Variants in CLDN19 observed in about 807,000 individuals in gnomAD.
The protein encoded by CLDN19 is claudin-19.
Under a neutral mutation model 24.5 loss-of-function variants are expected in CLDN19, and 19 were observed. The observed-to-expected ratio is 0.78, with a 90% CI of 0.54 to 1.14. CLDN19 has a LOEUF of 1.14. Among genes scored for constraint, CLDN19 ranks in the 50% most tolerant of loss-of-function variants. CLDN19 has a pLI of 0.00. For synonymous variants in CLDN19, 117 were observed against 129.6 expected (o/e 0.90, Z 0.66); for missense variants, 250 against 295.9 (o/e 0.84, Z 1.14).
intron 3 of CLDN19, among the ~76,000 whole-genome samples, chr1:42,736,470 G>T (rs1337620884): frequency 3.3e-5 from 5 of 152,000 alleles, no homozygotes. Flanking sequence ...CTTCCACCTG[G>T]CACTCTGGGC....
chr1:42,735,823 G>C, intron 4 of CLDN19, 55 bp downstream of exon 4: 5 of 1,553,434 alleles, frequency 3.2e-6, no homozygotes, highest in Non-Finnish European at 4.4e-6. Context: ...CTGGATGCTG[G>C]GCAAGGGGGC....
Position 42,738,416 on chromosome 1 carries a change from C to T in CLDN19, c.388+5G>A, listed in dbSNP as rs1651440989. 6.2e-7 allele frequency: 1 copy of T among 1,613,780 alleles called. No homozygotes were observed. The highest frequency in any genetic ancestry group is 8.5e-7 in the Non-Finnish European group (1 of 1,180,050). On this transcript the variant is annotated splice_donor_5th_base_variant and intron_variant, in intron 2 of 4. Coordinates refer to ENST00000296387, the MANE Select transcript of CLDN19 (RefSeq NM_148960.3). ...TGTGATTGTGCAGGAGTGAGGGGCA[C>T]TCACCTGCCAGGATGAAGAGGGCTC...
At chr1:42,736,949 A>G (rs574128011) in intron 3 of CLDN19, among the ~76,000 whole-genome samples, 14 of 152,140 alleles carry the variant, frequency 9.2e-5, no homozygotes, top group African/African-American at 3.4e-4. Context: ...TGTACCTGAG[A>G]TCTCCTCCCT....
At chr1:42,738,625 A>G (rs778676948) in intron 1 of CLDN19, 40 bp from the exon 2 acceptor site, 12 of 1,593,638 alleles carry the variant, frequency 7.5e-6, no homozygotes, top group Admixed American at 3.4e-5. Flanking sequence ...GCTGGCGGGG[A>G]TGGGGGTTGG....
chr1:42,738,349 T>C (rs376527503), intron 2 of CLDN19, 36 bp from the exon 3 acceptor site: 1 of 1,613,046 alleles, frequency 6.2e-7, no homozygotes, highest in Non-Finnish European at 8.5e-7. Flanking sequence ...AGCTCTGCTC[T>C]GGCCCCCCGA....
intron 3 of CLDN19, among the ~76,000 whole-genome samples, chr1:42,736,778 C>T (rs1259027299): frequency 6.6e-6 from 1 of 152,260 alleles, no homozygotes; most frequent in African/African-American, 2.4e-5. Flanking sequence ...TGAGGGCAGA[C>T]AGAGCCATCA....
Position 42,739,916 on chromosome 1 carries a change from G to C in CLDN19, c.148C>G (p.Leu50Val), listed in dbSNP as rs762859529. 1 of 1,612,380 alleles carries C rather than the reference G, an allele frequency of 6.2e-7. No homozygotes were observed. The highest frequency in any genetic ancestry group is 1.3e-5 in the African/African-American group (1 of 74,910). The change falls in exon 1 of 5, where the codon CTC becomes GTC. Residue 50 changes from leucine to valine, a missense_variant. Physicochemically the swap from Leu to Val is conservative, Grantham distance 32. Transcript: ENST00000296387. ...CTCTGGGAGGCGCAGGACATCCAGA[G>C]CCCTTCATAGAGGCCCACGGCAGTG... ...IITAVGLYEG[L>V]WMSCASQSTG... is the part of the protein sequence containing the mutation.
rs1412877618 is a variant in CLDN19 at position 42,735,885 on chromosome 1, C to A, written c.619G>T (p.Ala207Ser). 6.3e-7 allele frequency: 1 copy of A among 1,577,512 alleles called. No individual in the cohort carries two copies. ...GGCGGAGCTCAGACGTACTCTCGGG[C>A]AGCAGCAGAGGGTCCAGGCCGATAG... ...QPYRPGPSAA[A>S]REPVVKLPAS... The change falls in exon 4 of 5, where the codon GCC (alanine) becomes TCC (serine). Residue 207 changes from alanine (A) to serine (S), a missense_variant. Transcript: ENST00000296387.
chr1:42,736,557 C>G (rs1192004349), intron 3 of CLDN19, among the ~76,000 whole-genome samples: 1 of 151,512 alleles, frequency 6.6e-6, no homozygotes, highest in Non-Finnish European at 1.5e-5. Flanking sequence ...GCACAAGGCA[C>G]CCCCAGCTGG....
chr1:42,736,654 G>A (rs1463309392), intron 3 of CLDN19, among the ~76,000 whole-genome samples: 2 of 152,168 alleles, frequency 1.3e-5, no homozygotes, highest in Non-Finnish European at 2.9e-5. Flanking sequence ...ACCTCTTCGT[G>A]GGGTCTTTCC....
At position 42,739,887 on chromosome 1, in the gene CLDN19, A is replaced by C; in HGVS notation, c.177T>G (p.Thr59=). The part of the protein sequence containing the change: ...GLWMSCASQS[T]GQVQCKLYDS... ...CGTAGAGCTTGCACTGCACTTGCCC[A>C]GTGCTCTGGGAGGCGCAGGACATCC... Residue 59 remains threonine, a synonymous_variant, in exon 1 of 5, where the codon ACT becomes ACG. Coordinates refer to ENST00000296387, the MANE Select transcript of CLDN19 (RefSeq NM_148960.3). 1.2e-6 allele frequency: 2 copies of C among 1,613,242 alleles called. No individual in the cohort carries two copies. The highest frequency in any genetic ancestry group is 1.1e-5 in the South Asian group (1 of 90,956).
At chr1:42,736,078 T>A (rs1259845443) in intron 3 of CLDN19, 48 bp from the exon 4 acceptor site, 1 of 1,303,942 alleles carries the variant, frequency 7.7e-7, no homozygotes, top group Non-Finnish European at 1.1e-6. Flanking sequence ...CCGTCTCAGG[T>A]TGTTCCCAGT....
chr1:42,736,122 G>A (rs1447897084), intron 3 of CLDN19, 92 bp from the exon 4 acceptor site: 3 of 797,122 alleles, frequency 3.8e-6, no homozygotes, highest in Non-Finnish European at 6.1e-6. Flanking sequence ...AGAGTGTGTG[G>A]AGCTGGAGGC....
In CLDN19 at chr1:42,734,946, C is replaced by T; in HGVS notation, c.*140G>A. 1 of 739,796 alleles carries T rather than the reference C, an allele frequency of 1.4e-6. No individual in the cohort carries two copies. The allele number at this position is 739,796 out of a possible 1,614,324, so 45.8% of individuals were successfully genotyped here. On this transcript the variant is annotated 3_prime_UTR_variant, in exon 5 of 5. Transcript: ENST00000296387. ...CAGGGGTCAGCACTGACCACTCTGACACAGGCCCCGTCCAAGCCACGCTGA... is the reference window on the plus strand; with the variant it reads ...CAGGGGTCAGCACTGACCACTCTGATACAGGCCCCGTCCAAGCCACGCTGA...
intron 3 of CLDN19, 74 bp downstream of exon 3, chr1:42,738,155 G>T (rs993176232): frequency 4.9e-6 from 6 of 1,231,324 alleles, no homozygotes; most frequent in Admixed American, 1.7e-5. Flanking sequence ...CACTTCCCCC[G>T]CCAGGTGATC....
At position 42,738,396 on chromosome 1, in the gene CLDN19, T is replaced by C. The variant is rs1219435407; in HGVS notation, c.388+25A>G. The C allele has an allele frequency of 2.5e-6, 4 of 1,613,798 alleles. No homozygotes were observed. The South Asian group carries it at 4.4e-5, about 18-fold the overall frequency. On this transcript the variant is annotated intron_variant, in intron 2 of 4. Coordinates refer to ENST00000296387, the MANE Select transcript of CLDN19 (RefSeq NM_148960.3). ...CTGGGGCTGCCTGCCATGGTTGTGA[T>C]TGTGCAGGAGTGAGGGGCACTCACC... is the stretch of plus-strand genomic sequence containing the variant.
rs115869476 is a variant in CLDN19 at position 42,738,992 on chromosome 1, A to C, written c.224-407T>G. The stretch of plus-strand genomic sequence containing the variant: ...CAGCTCAACTCAGCCTGAGCCCCGC[A>C]GCAACCCCTCCCCAGCAGCCATTCA... On this transcript the variant is annotated intron_variant, in intron 1 of 4. Coordinates refer to ENST00000296387, the MANE Select transcript of CLDN19 (RefSeq NM_148960.3). 7.3e-3 allele frequency among the ~76,000 whole-genome samples: 1,118 copies of C among 152,186 alleles called. 17 individuals carry two copies. Among genetic ancestry groups the C allele is most frequent in the African/African-American group, 0.025 (1,049 of 41,508 alleles).
At chr1:42,739,784 C>G in intron 1 of CLDN19, 57 bp downstream of exon 1, 6 of 1,481,010 alleles carry the variant, frequency 4.1e-6, no homozygotes, top group Non-Finnish European at 5.6e-6. Flanking sequence ...AAAACTTGCT[C>G]CAGACTCCCC....
chr1:42,738,931 G>A (rs561766147), intron 1 of CLDN19, among the ~76,000 whole-genome samples: 3 of 152,268 alleles, frequency 2.0e-5, no homozygotes, highest in East Asian at 1.9e-4. Flanking sequence ...GTCCCCTCAG[G>A]TTTGGTAGGT....
Sources: gnomAD v4.1 joint callset for allele counts (sites outside exome capture counted in the v4.1 genomes callset) on GRCh38, gnomAD v4.1.1 for gene constraint, MANE v1.5 for transcripts, NCBI Gene and HGNC (gene_info 2026-07-23, HGNC 2026-07-21) for gene names.